DENND11: variants seen among roughly 807,000 people sequenced by gnomAD.
The protein encoded by DENND11 is DENN domain-containing protein 11.
A neutral mutation model predicts 49.2 loss-of-function variants in DENND11; 34 were observed. That is an observed-to-expected ratio of 0.69 (90% CI 0.53 to 0.92). The LOEUF is 0.92. Ranked by LOEUF, DENND11 falls within the 40% of genes least tolerant of loss-of-function variation. The pLI, the probability that DENND11 is intolerant of heterozygous loss-of-function variation, is 0.00. For synonymous variants in DENND11, 238 were observed against 230.3 expected, an observed-to-expected ratio of 1.03 and a Z score of -0.30; for missense variants, 475 against 581.6, an observed-to-expected ratio of 0.82 and a Z score of 1.88.
In DENND11 at chr7:141,682,806, C is replaced by T. The variant is rs562794604; in HGVS notation, c.527+2672G>A. The stretch of plus-strand genomic sequence containing the variant: ...GCCAGGACCCTATCCAATATAATAC[C>T]ACCTTAAAATTTTTGGATTTTGAAC... On this transcript the variant is annotated intron_variant, in intron 3 of 8. Coordinates refer to ENST00000536163, the MANE Select transcript of DENND11 (RefSeq NM_001080392.2). Among the ~76,000 whole-genome samples, 3 of 152,122 alleles carry T rather than the reference C, an allele frequency of 2.0e-5. No homozygotes were observed. In the East Asian group the frequency reaches 5.8e-4, roughly 29 times the overall value.
intron 4 of DENND11, among the ~76,000 whole-genome samples, chr7:141,668,966 A>C (rs1226801290): frequency 1.3e-5 from 2 of 151,898 alleles, no homozygotes; most frequent in Non-Finnish European, 2.9e-5. Context: ...TTTTCACTCC[A>C]ATTTCTTTTT....
At chr7:141,672,397 G>T (rs1797996667) in intron 4 of DENND11, among the ~76,000 whole-genome samples, 1 of 152,212 alleles carries the variant, frequency 6.6e-6, no homozygotes, top group African/African-American at 2.4e-5. Context: ...CTTCCATCCT[G>T]CTAGTATACT....
In DENND11 at chr7:141,686,598, G is replaced by C. The variant is rs1191570300; in HGVS notation, c.329C>G (p.Ser110Cys). ...GATTTTATGGGACCCACTGGCCATA[G>C]ACTTGAACTCAACACCTTCAAGGTC... ...DIDLEGVEFK[S>C]MASGSHKIQS... is the part of the protein sequence containing the mutation. The change falls in exon 2 of 9, where the codon TCT becomes TGT. Residue 110 changes from serine (S) to cysteine (C), a missense_variant. Coordinates refer to ENST00000536163, the MANE Select transcript of DENND11 (RefSeq NM_001080392.2). 6.2e-7 allele frequency: 1 copy of C among 1,613,080 alleles called. No homozygotes were observed. The highest frequency in any genetic ancestry group is 1.3e-5 in the African/African-American group (1 of 74,912).
chr7:141,680,511 A>G (rs1234218385), intron 3 of DENND11, among the ~76,000 whole-genome samples: 1 of 151,980 alleles, frequency 6.6e-6, no homozygotes, highest in East Asian at 2.0e-4. Flanking sequence ...AGAACCTTCC[A>G]AATTTTAGAT....
In DENND11 at chr7:141,659,749, G is replaced by C. The variant is rs749270632; in HGVS notation, c.*2907C>G. 3 of 152,310 alleles carry C rather than the reference G, an allele frequency of 2.0e-5. No individual in the cohort carries two copies. The highest frequency in any genetic ancestry group is 2.9e-5 in the Non-Finnish European group (2 of 68,146). 9.4% of individuals were successfully genotyped at this position (152,310 alleles called of 1,614,324 possible). ...CTCAGGCAGGCGAGGGCTGAGGCCC[G>C]GCAGGAGATGGTGGCAGAAGGTGTC... On this transcript the variant is annotated 3_prime_UTR_variant, in exon 9 of 9. Transcript: ENST00000536163.
chr7:141,680,687 A>C (rs1798136214), intron 3 of DENND11, among the ~76,000 whole-genome samples: 1 of 151,658 alleles, frequency 6.6e-6, no homozygotes, highest in Non-Finnish European at 1.5e-5. Flanking sequence ...ACCTCTGCTC[A>C]CATTCCATGG....
At chr7:141,665,543 T>A (rs1292114210) in intron 5 of DENND11, among the ~76,000 whole-genome samples, 1 of 152,098 alleles carries the variant, frequency 6.6e-6, no homozygotes, top group Non-Finnish European at 1.5e-5. Flanking sequence ...CCAATAAACA[T>A]TTCTCAGTCT....
intron 1 of DENND11, among the ~76,000 whole-genome samples, chr7:141,691,936 G>A (rs546129335): frequency 2.6e-5 from 4 of 152,056 alleles, no homozygotes; most frequent in East Asian, 1.9e-4. Flanking sequence ...TTAAGGGCAC[G>A]CATGTGTTTA....
At chr7:141,669,339 C>T (rs1295121559) in intron 4 of DENND11, among the ~76,000 whole-genome samples, 1 of 151,762 alleles carries the variant, frequency 6.6e-6, no homozygotes, top group Non-Finnish European at 1.5e-5. Context: ...CCTCCGCCTC[C>T]TGGGTTCATG....
intron 3 of DENND11, among the ~76,000 whole-genome samples, chr7:141,683,225 A>G (rs1798175360): frequency 6.6e-6 from 1 of 152,232 alleles, no homozygotes; most frequent in Non-Finnish European, 1.5e-5. Context: ...AAAAAAACAG[A>G]ATGCAAAAGT....
intron 1 of DENND11, among the ~76,000 whole-genome samples, chr7:141,700,656 G>A (rs539923991): frequency 1.6e-4 from 25 of 152,090 alleles, no homozygotes; most frequent in African/African-American, 5.8e-4. Context: ...GCCATGGAAT[G>A]TGGCAAAGAA....
In DENND11 at chr7:141,662,407, G is replaced by A; in HGVS notation, c.*249C>T. ...ACAACTCCCATGACCAAGCCCAGAG[G>A]ACCAGCAGCTCTGGGAGAAAGTGGC... On this transcript the variant is annotated 3_prime_UTR_variant, in exon 9 of 9. Coordinates refer to ENST00000536163, the MANE Select transcript of DENND11 (RefSeq NM_001080392.2). 2.4e-6 allele frequency: 1 copy of A among 408,964 alleles called. No homozygotes were observed. The allele number at this position is 408,964 out of a possible 1,614,324, so 25.3% of individuals were successfully genotyped here.
At chr7:141,694,547 A>G (rs1019005269) in intron 1 of DENND11, among the ~76,000 whole-genome samples, 1 of 152,308 alleles carries the variant, frequency 6.6e-6, no homozygotes, top group Non-Finnish European at 1.5e-5. Context: ...AGGCGTTAGT[A>G]TATGTATTCA....
At chr7:141,669,244 GTTT>G (rs36043478) in intron 4 of DENND11, among the ~76,000 whole-genome samples, 3 of 133,770 alleles carry the variant, frequency 2.2e-5, no homozygotes, top group Non-Finnish European at 1.6e-5. Context: ...CTTCTTTAAA[GTTT>G]TTTTTTTTTT....
chr7:141,699,089 A>G (rs1028890714), intron 1 of DENND11, among the ~76,000 whole-genome samples: 2 of 152,194 alleles, frequency 1.3e-5, no homozygotes, highest in Non-Finnish European at 2.9e-5. Context: ...ACACCTATGT[A>G]AGAACTTCTA....
intron 1 of DENND11, among the ~76,000 whole-genome samples, chr7:141,700,566 A>C (rs892224592): frequency 2.0e-5 from 3 of 152,148 alleles, no homozygotes; most frequent in African/African-American, 7.2e-5. Flanking sequence ...CAGTTACATA[A>C]GTACTGTACG....
chr7:141,692,387 T>C (rs566153370), intron 1 of DENND11, among the ~76,000 whole-genome samples: 6 of 152,318 alleles, frequency 3.9e-5, no homozygotes, highest in South Asian at 2.1e-4. Flanking sequence ...TCGAGACTTA[T>C]ATAAAATTAA....
intron 3 of DENND11, among the ~76,000 whole-genome samples, chr7:141,678,353 G>A (rs1474821320): frequency 1.3e-5 from 2 of 152,144 alleles, no homozygotes; most frequent in African/African-American, 2.4e-5. Flanking sequence ...GGTATAAAAC[G>A]AAATGTTAAC....
At chr7:141,688,113 G>A (rs747709070) in intron 1 of DENND11, among the ~76,000 whole-genome samples, 1 of 152,140 alleles carries the variant, frequency 6.6e-6, no homozygotes, top group African/African-American at 2.4e-5. Context: ...AGCATGCCTC[G>A]GGCTGCGGGA....
Sources: allele counts gnomAD v4.1 joint callset (sites outside exome capture counted in the v4.1 genomes callset), GRCh38; gene constraint gnomAD v4.1.1; transcripts MANE v1.5; gene names NCBI Gene and HGNC (gene_info 2026-07-23, HGNC 2026-07-21).